Variants in PHACTR3 observed in about 807,000 individuals in gnomAD.
PHACTR3 encodes the protein phosphatase and actin regulator 3.
A neutral mutation model predicts 66.8 loss-of-function variants in PHACTR3; 16 were observed. The observed-to-expected ratio is 0.24, with a 90% CI of 0.16 to 0.36. The LOEUF is 0.36. PHACTR3 is among the 10% of genes least tolerant of loss of function. The pLI is 1.00. For missense variants in PHACTR3, 647 were observed against 719.9 expected, an observed-to-expected ratio of 0.90 and a Z score of 1.16; for synonymous variants, 323 against 292.1, an observed-to-expected ratio of 1.11 and a Z score of -1.08.
intron 4 of PHACTR3, among the ~76,000 whole-genome samples, chr20:59,763,915 G>A (rs375742806): frequency 2.8e-4 from 42 of 152,322 alleles, no homozygotes; most frequent in African/African-American, 9.6e-4. Flanking sequence ...GCCTTGCTGG[G>A]TGGAGATGCA....
chr20:59,827,389 A>C (rs552005482), intron 8 of PHACTR3, among the ~76,000 whole-genome samples: 1 of 152,282 alleles, frequency 6.6e-6, no homozygotes, highest in Admixed American at 6.5e-5. Context: ...GCACTAACCC[A>C]ACCCTGGGCA....
chr20:59,805,959 G>T, intron 7 of PHACTR3, 82 bp from the exon 8 acceptor site: 1 of 1,447,356 alleles, frequency 6.9e-7, no homozygotes, highest in Non-Finnish European at 9.4e-7. Context: ...GCAGGTGGGC[G>T]GCTCCATTGA....
At chr20:59,788,745 C>A (rs1054725561) in intron 7 of PHACTR3, among the ~76,000 whole-genome samples, 1 of 152,194 alleles carries the variant, frequency 6.6e-6, no homozygotes, top group Non-Finnish European at 1.5e-5. Context: ...AGAGCCAAAG[C>A]TAACCTTGTC....
At chr20:59,609,986 G>T (rs754909006) in intron 1 of PHACTR3, among the ~76,000 whole-genome samples, 32 of 152,330 alleles carry the variant, frequency 2.1e-4, no homozygotes, top group Admixed American at 1.1e-3. Flanking sequence ...TGGGCATGGT[G>T]GTCACACCTG....
chr20:59,695,988 C>T (rs963246680), intron 1 of PHACTR3, among the ~76,000 whole-genome samples: 4 of 152,152 alleles, frequency 2.6e-5, no homozygotes, highest in African/African-American at 7.2e-5. Flanking sequence ...CCACCTCTGC[C>T]TCCCAAAGTG....
chr20:59,583,018 G>A (rs2032907333), intron 1 of PHACTR3, among the ~76,000 whole-genome samples: 1 of 152,152 alleles, frequency 6.6e-6, no homozygotes, highest in African/African-American at 2.4e-5. Flanking sequence ...GTGGCAGGGA[G>A]GGTCCTGGTT....
In PHACTR3 at chr20:59,774,379, G is replaced by A. The variant is rs776908264; in HGVS notation, c.1063G>A (p.Ala355Thr). Residue 355 changes from alanine (A) to threonine (T), a missense_variant, in exon 7 of 13, where the codon GCC becomes ACC. Ala to Thr is a moderately conservative substitution (Grantham distance 58). This residue lies in a region of PHACTR3 where 577 missense variants were observed against 571.1 expected (regional missense o/e 1.01). Transcript: ENST00000371015. The part of the protein sequence containing the change: ...FDGALENKRT[A>T]AKESEENKEN... ...CGGGGCATTGGAGAACAAGCGAACT[G>A]CCGCTAAGGAATCTGAGGAGAACAA... The A allele has an allele frequency of 3.1e-6, 5 of 1,614,184 alleles. No individual in the cohort carries two copies. Among genetic ancestry groups the A allele is most frequent in the Non-Finnish European group, 4.2e-6 (5 of 1,180,046 alleles).
chr20:59,579,474 A>C (rs1242235031), intron 1 of PHACTR3, among the ~76,000 whole-genome samples: 1 of 152,210 alleles, frequency 6.6e-6, no homozygotes, highest in Non-Finnish European at 1.5e-5. Flanking sequence ...ACTTGATGGC[A>C]CTGGGGAATA....
In PHACTR3 at chr20:59,833,279, A is replaced by G. The variant is rs150666731; in HGVS notation, c.1329-3226A>G. Among the ~76,000 whole-genome samples the G allele has an allele frequency of 5.9e-3, 898 of 152,328 alleles. 12 individuals are homozygous for G. Among genetic ancestry groups the G allele is most frequent in the African/African-American group, 0.021 (853 of 41,574 alleles). ...CCCTGCAGTGAGCGATTGGACCACTACCAGACTGCCTCTGTGCCTTGGGAC... is the reference window on the plus strand; with the variant it reads ...CCCTGCAGTGAGCGATTGGACCACTGCCAGACTGCCTCTGTGCCTTGGGAC... On this transcript the variant is annotated intron_variant, in intron 8 of 12. Transcript: ENST00000371015.
intron 1 of PHACTR3, among the ~76,000 whole-genome samples, chr20:59,689,250 T>A (rs2037012978): frequency 6.6e-6 from 1 of 152,158 alleles, no homozygotes; most frequent in South Asian, 2.1e-4. Flanking sequence ...TGGGGCGGCC[T>A]TGGAGGAAGG....
intron 7 of PHACTR3, among the ~76,000 whole-genome samples, chr20:59,776,458 G>T (rs2040540619): frequency 6.6e-6 from 1 of 152,152 alleles, no homozygotes; most frequent in Non-Finnish European, 1.5e-5. Flanking sequence ...ACAGGGCCTG[G>T]CTCAGGGTGC....
chr20:59,631,507 C>T (rs1450947289), intron 1 of PHACTR3, among the ~76,000 whole-genome samples: 4 of 152,020 alleles, frequency 2.6e-5, no homozygotes, highest in Non-Finnish European at 5.9e-5. Flanking sequence ...TGTCTTGGTC[C>T]AGTTTACAGG....
chr20:59,731,247 T>C (rs1423987377), intron 1 of PHACTR3, among the ~76,000 whole-genome samples: 2 of 152,324 alleles, frequency 1.3e-5, no homozygotes, highest in East Asian at 3.9e-4. Context: ...GAAATGCTCA[T>C]TTTCCTCCTT....
At chr20:59,582,290 A>G (rs939804276) in intron 1 of PHACTR3, among the ~76,000 whole-genome samples, 1 of 152,200 alleles carries the variant, frequency 6.6e-6, no homozygotes, top group Non-Finnish European at 1.5e-5. Flanking sequence ...ATCTGGCTTC[A>G]TAGGTTCTGT....
chr20:59,626,298 G>A (rs2034444831), intron 1 of PHACTR3, among the ~76,000 whole-genome samples: 1 of 152,170 alleles, frequency 6.6e-6, no homozygotes, highest in African/African-American at 2.4e-5. Context: ...GAAACAGACA[G>A]CATAGAAATA....
intron 1 of PHACTR3, among the ~76,000 whole-genome samples, chr20:59,625,645 C>A (rs757412964): frequency 2.1e-4 from 32 of 152,156 alleles, no homozygotes; most frequent in Admixed American, 8.5e-4. Flanking sequence ...CATCTGAGCC[C>A]AGCTTTCCCC....
chr20:59,779,519 A>G (rs919165098), intron 7 of PHACTR3, among the ~76,000 whole-genome samples: 1 of 152,166 alleles, frequency 6.6e-6, no homozygotes, highest in Non-Finnish European at 1.5e-5. Context: ...TCACATCTCC[A>G]TGGGGTGAAA....
chr20:59,628,047 G>C (rs1170102262), intron 1 of PHACTR3: 2 of 152,096 alleles, frequency 1.3e-5, no homozygotes, highest in Non-Finnish European at 2.9e-5. Context: ...CCCTGCCCAG[G>C]AAAATTCTCG....
chr20:59,652,831 T>C (rs1001968814), intron 1 of PHACTR3, among the ~76,000 whole-genome samples: 2 of 151,984 alleles, frequency 1.3e-5, no homozygotes, highest in African/African-American at 2.4e-5. Context: ...ATCACAATCA[T>C]TGAGTGAAAA....
Sources: allele counts gnomAD v4.1 joint callset (sites outside exome capture counted in the v4.1 genomes callset), GRCh38; gene constraint gnomAD v4.1.1; regional missense constraint gnomAD v4.1.1; transcripts MANE v1.5; gene names NCBI Gene and HGNC (gene_info 2026-07-23, HGNC 2026-07-21).